Variants in PRKN observed in about 807,000 individuals in gnomAD.
PRKN encodes the protein parkin RBR E3 ubiquitin protein ligase.
In PRKN, 56 loss-of-function variants were observed where a neutral mutation model predicts 59.5. The observed-to-expected ratio is 0.94, with a 90% CI of 0.76 to 1.18. The LOEUF (loss-of-function observed/expected upper bound fraction) is 1.18, where lower values mean the gene tolerates loss of function less well. PRKN is among the 50% of genes most tolerant of loss of function. The probability of loss-of-function intolerance (pLI) is 0.00; values close to 1 mark genes in which losing one functional copy is unlikely to be tolerated. For missense variants in PRKN, 657 were observed against 596.4 expected, an observed-to-expected ratio of 1.10 and a Z score of -1.06; for synonymous variants, 250 against 222.1, an observed-to-expected ratio of 1.13 and a Z score of -1.12.
chr6:162,520,052 C>A (rs1442588966), intron 1 of PRKN, among the ~76,000 whole-genome samples: 1 of 152,068 alleles, frequency 6.6e-6, no homozygotes, highest in Non-Finnish European at 1.5e-5. Context: ...GAGTTTGAGA[C>A]CAGCCTGGAC....
At chr6:161,828,923 C>T (rs1434400175) in intron 6 of PRKN, among the ~76,000 whole-genome samples, 3 of 139,172 alleles carry the variant, frequency 2.2e-5, no homozygotes, top group East Asian at 4.5e-4. Context: ...AAGTGAGACT[C>T]CATCTCAAAA....
chr6:162,345,799 G>A (rs1424802634), intron 2 of PRKN, among the ~76,000 whole-genome samples: 1 of 152,158 alleles, frequency 6.6e-6, no homozygotes, highest in Non-Finnish European at 1.5e-5. Flanking sequence ...ATAATGATAG[G>A]TTCTTACTTT....
At chr6:162,324,719 CTA>C (rs1459593821) in intron 2 of PRKN, among the ~76,000 whole-genome samples, 2 of 151,942 alleles carry the variant, frequency 1.3e-5, no homozygotes, top group Admixed American at 1.3e-4. Context: ...AAAATGGCCT[CTA>C]TTTCACAATG....
Position 161,377,493 on chromosome 6 carries a change from C to A in PRKN, c.1167+9301G>T, listed in dbSNP as rs1785767060. 6.6e-6 allele frequency among the ~76,000 whole-genome samples: 1 copy of A among 152,198 alleles called. No homozygotes were observed. On this transcript the variant is annotated intron_variant, in intron 10 of 11. Transcript: ENST00000366898. The surrounding 1 kb of genome is among the most constrained non-coding windows in gnomAD (Gnocchi z 4.2). ...AGTTAGCTTAACATACGGCTGCAAG[C>A]CAAAAATGCACTGTCGCTATCCTGT...
intron 1 of PRKN, among the ~76,000 whole-genome samples, chr6:162,520,507 A>G (rs1416452304): frequency 6.6e-6 from 1 of 152,128 alleles, no homozygotes; most frequent in Admixed American, 6.6e-5. Context: ...GTCACTCATA[A>G]TCATTTAGCC....
At chr6:161,669,820 CATT>C (rs1784846566) in intron 7 of PRKN, among the ~76,000 whole-genome samples, 2 of 152,206 alleles carry the variant, frequency 1.3e-5, no homozygotes, top group Admixed American at 6.5e-5. Flanking sequence ...GCAGTGATGT[CATT>C]AGTCCCGTTT....
intron 3 of PRKN, among the ~76,000 whole-genome samples, chr6:162,240,919 G>A (rs912662861): frequency 6.6e-6 from 1 of 152,200 alleles, no homozygotes; most frequent in Non-Finnish European, 1.5e-5. Context: ...CTAGAATGAT[G>A]TTTTGAAGAA....
intron 1 of PRKN, among the ~76,000 whole-genome samples, chr6:162,548,246 G>A (rs1779196726): frequency 6.6e-6 from 1 of 151,834 alleles, no homozygotes; most frequent in Admixed American, 6.6e-5. Flanking sequence ...TTTTAGTAGA[G>A]ATGGGTTTCA....
At chr6:161,691,946 T>C (rs561962256) in intron 7 of PRKN, among the ~76,000 whole-genome samples, 37 of 151,640 alleles carry the variant, frequency 2.4e-4, no homozygotes, top group African/African-American at 8.4e-4. Context: ...GTGATGACAC[T>C]GTCATCACAC....
chr6:161,821,266 C>A (rs1792011212), intron 6 of PRKN, among the ~76,000 whole-genome samples: 1 of 152,084 alleles, frequency 6.6e-6, no homozygotes, highest in South Asian at 2.1e-4. Flanking sequence ...AAACATAAAT[C>A]TTTTAAAAAT....
chr6:162,160,680 A>AAAAC (rs1481858630), intron 4 of PRKN, among the ~76,000 whole-genome samples: 1 of 151,930 alleles, frequency 6.6e-6, no homozygotes. Flanking sequence ...CATTAGCCTA[A>AAAAC]AAACAAACAA....
intron 5 of PRKN, among the ~76,000 whole-genome samples, chr6:161,992,408 G>A (rs953302281): frequency 6.6e-6 from 1 of 152,158 alleles, no homozygotes; most frequent in African/African-American, 2.4e-5. Context: ...GCAAAAGGAT[G>A]TAACAATTCT....
At chr6:162,437,167 G>C (rs1479757244) in intron 2 of PRKN, among the ~76,000 whole-genome samples, 1 of 152,076 alleles carries the variant, frequency 6.6e-6, no homozygotes, top group Non-Finnish European at 1.5e-5. Flanking sequence ...TACTCACCCT[G>C]TACTCTTAGT....
At chr6:162,113,753 C>A (rs1351611599) in intron 4 of PRKN, among the ~76,000 whole-genome samples, 1 of 152,154 alleles carries the variant, frequency 6.6e-6, no homozygotes, top group Non-Finnish European at 1.5e-5. Context: ...GCTTTTGTTG[C>A]CATTGTTTTT....
chr6:162,511,220 G>A (rs1164586643), intron 1 of PRKN, among the ~76,000 whole-genome samples: 1 of 150,386 alleles, frequency 6.6e-6, no homozygotes, highest in Non-Finnish European at 1.5e-5. Flanking sequence ...TTCTTATCAG[G>A]CCTGGAAGCT....
intron 2 of PRKN, among the ~76,000 whole-genome samples, chr6:162,274,273 G>A (rs1001408067): frequency 6.6e-6 from 1 of 151,684 alleles, no homozygotes. Flanking sequence ...TTGCAGTCTC[G>A]GCTTCCAGGG....
At chr6:161,521,754 C>A (rs527868183) in intron 9 of PRKN, among the ~76,000 whole-genome samples, 4 of 152,216 alleles carry the variant, frequency 2.6e-5, no homozygotes, top group Non-Finnish European at 5.9e-5. Context: ...ATTATCTGGC[C>A]TCTCAGTTTG....
chr6:161,367,396 G>A (rs1020064780), intron 10 of PRKN, among the ~76,000 whole-genome samples: 11 of 152,068 alleles, frequency 7.2e-5, no homozygotes, highest in African/African-American at 2.7e-4. Context: ...GGACTGTCAA[G>A]GGCCCAGGCA....
intron 5 of PRKN, among the ~76,000 whole-genome samples, chr6:161,988,920 A>T (rs887353777): frequency 1.3e-5 from 2 of 152,198 alleles, no homozygotes; most frequent in Non-Finnish European, 2.9e-5. Flanking sequence ...GCTGATTTTT[A>T]AAAAAATATT....
Sources: allele counts gnomAD v4.1 joint callset (sites outside exome capture counted in the v4.1 genomes callset), GRCh38; gene constraint gnomAD v4.1.1; non-coding constraint Gnocchi (gnomAD v3.1); transcripts MANE v1.5; gene names NCBI Gene and HGNC (gene_info 2026-07-23, HGNC 2026-07-21).